The following ITPR2 variants were observed in gnomAD, a reference collection of about 807,000 sequenced individuals.
ITPR2 encodes the protein inositol 1,4,5-trisphosphate-gated calcium channel ITPR2.
ITPR2 carries 207 observed loss-of-function variants against 317.1 expected under a neutral mutation model. That is an observed-to-expected ratio of 0.65 (90% CI 0.58 to 0.73). ITPR2 has a LOEUF of 0.73. Ranked by LOEUF, ITPR2 falls within the 30% of genes least tolerant of loss-of-function variation. The pLI is 0.00. For missense variants in ITPR2, 2,613 were observed against 3,284.0 expected (o/e 0.80, Z 4.99); for synonymous variants, 1,156 against 1,149.1 (o/e 1.01, Z -0.12).
intron 5 of ITPR2, chr12:26,721,205 G>GTTT (rs11407207): frequency 1.4e-4 from 55 of 403,818 alleles, no homozygotes; most frequent in Non-Finnish European, 1.9e-4. Flanking sequence ...AAAAAGTAGG[G>GTTT]TTTTTTTTTT....
intron 25 of ITPR2, among the ~76,000 whole-genome samples, chr12:26,621,530 C>T (rs1346093800): frequency 6.6e-6 from 1 of 151,866 alleles, no homozygotes; most frequent in African/African-American, 2.4e-5. Context: ...TTTTCTGAGA[C>T]TCTGTTTGAA....
chr12:26,368,158 G>A (rs1481665093), intron 55 of ITPR2, among the ~76,000 whole-genome samples: 1 of 152,146 alleles, frequency 6.6e-6, no homozygotes, highest in Middle Eastern at 3.2e-3. Context: ...ATCATTCTCT[G>A]GCTTCCAAGT....
chr12:26,357,135 C>T (rs1938666443), intron 55 of ITPR2, among the ~76,000 whole-genome samples: 1 of 151,338 alleles, frequency 6.6e-6, no homozygotes, highest in Non-Finnish European at 1.5e-5. Context: ...CTTGGTGGGC[C>T]CCTACATAGT....
chr12:26,535,745 A>G (rs915461720), intron 37 of ITPR2, among the ~76,000 whole-genome samples: 1 of 152,208 alleles, frequency 6.6e-6, no homozygotes, highest in Middle Eastern at 3.2e-3. Flanking sequence ...TTCAAATTAG[A>G]CATTATATGG....
chr12:26,599,017 GA>G, intron 30 of ITPR2, 127 bp downstream of exon 30: 1 of 764,310 alleles, frequency 1.3e-6, no homozygotes, highest in Non-Finnish European at 2.2e-6. Context: ...ATTTGCACTT[GA>G]GTAGTCATGA....
intron 1 of ITPR2, among the ~76,000 whole-genome samples, chr12:26,818,330 C>T (rs1320977352): frequency 6.6e-6 from 1 of 152,176 alleles, no homozygotes; most frequent in Non-Finnish European, 1.5e-5. Context: ...TTTACATTTG[C>T]AATGTGATAA....
chr12:26,781,933 G>A (rs562037313), intron 2 of ITPR2, among the ~76,000 whole-genome samples: 1 of 148,832 alleles, frequency 6.7e-6, no homozygotes, highest in East Asian at 2.0e-4. Flanking sequence ...TTGGGACTCA[G>A]ATGGCCTATT....
intron 55 of ITPR2, among the ~76,000 whole-genome samples, chr12:26,354,242 C>T (rs1366717171): frequency 6.8e-6 from 1 of 147,636 alleles, no homozygotes; most frequent in Admixed American, 6.9e-5. Flanking sequence ...CCACTGCACT[C>T]CAGCCTGGGC....
intron 26 of ITPR2, among the ~76,000 whole-genome samples, chr12:26,603,418 G>A (rs1447260973): frequency 1.3e-5 from 2 of 152,036 alleles, no homozygotes; most frequent in Non-Finnish European, 2.9e-5. Context: ...AACTACTGGC[G>A]TCACCTTATG....
chr12:26,656,945 C>A (rs993616008), intron 18 of ITPR2, among the ~76,000 whole-genome samples: 1 of 152,188 alleles, frequency 6.6e-6, no homozygotes, highest in African/African-American at 2.4e-5. Context: ...CCAGGTTTTG[C>A]CCCACTCAGT....
intron 45 of ITPR2, among the ~76,000 whole-genome samples, chr12:26,444,893 C>T (rs1295370930): frequency 6.6e-6 from 1 of 152,118 alleles, no homozygotes; most frequent in Non-Finnish European, 1.5e-5. Context: ...GGTCACTAAT[C>T]AATCACTCAA....
At chr12:26,632,403 T>G in intron 21 of ITPR2, among the ~76,000 whole-genome samples, 1 of 152,168 alleles carries the variant, frequency 6.6e-6, no homozygotes, top group East Asian at 1.9e-4. Context: ...GCTTTTACAA[T>G]AATGCAAAAG....
Position 26,436,365 on chromosome 12 carries a change from A to G in ITPR2, c.6644-19T>C, listed in dbSNP as rs1941348528. The G allele has an allele frequency of 1.3e-6, 2 of 1,598,610 alleles. No homozygotes were observed. The highest frequency in any genetic ancestry group is 1.1e-5 in the South Asian group (1 of 87,464). ...GGGTTATCTAGGAAGTGAGAAATGT[A>G]AAGGAACTGAACAGGAAAATACATT... On this transcript the variant is annotated intron_variant, in intron 47 of 56. Coordinates refer to ENST00000381340, the MANE Select transcript of ITPR2 (RefSeq NM_002223.4).
chr12:26,439,205 G>C lies in ITPR2; in HGVS notation c.6565C>G (p.Gln2189Glu), dbSNP rs777589971. The change falls in exon 47 of 57, where the codon CAA becomes GAA. Residue 2189 changes from glutamine to glutamate, a missense_variant. By Grantham distance (29) the Gln-to-Glu change is conservative. This residue lies in a region of ITPR2 where 926 missense variants were observed against 1,072.8 expected (regional missense o/e 0.86). Transcript: ENST00000381340. ...RVFNTTERDE[Q>E]GSKVNDFFQQ... is the part of the protein sequence containing the mutation. The stretch of plus-strand genomic sequence containing the variant: ...AAAAAGTCATTCACTTTACTTCCTT[G>C]TTCATCCCTTTCAGTTGTATTGAAC... 6.2e-7 allele frequency: 1 copy of C among 1,612,766 alleles called. No homozygotes were observed. The highest frequency in any genetic ancestry group is 8.5e-7 in the Non-Finnish European group (1 of 1,179,304).
intron 55 of ITPR2, among the ~76,000 whole-genome samples, chr12:26,386,293 C>A (rs1939661540): frequency 6.6e-6 from 1 of 152,066 alleles, no homozygotes. Context: ...AGGTTCTGTC[C>A]ATTGTCCAAT....
At chr12:26,562,031 C>A in intron 34 of ITPR2, 79 bp from the exon 35 acceptor site, 1 of 977,800 alleles carries the variant, frequency 1.0e-6, no homozygotes, top group Non-Finnish European at 1.4e-6. Flanking sequence ...ATCTTATAAA[C>A]ATAAAAGAAA....
At position 26,483,775 on chromosome 12, in the gene ITPR2, C is replaced by T; in HGVS notation, c.5935G>A (p.Glu1979Lys). The T allele has an allele frequency of 6.2e-7, 1 of 1,614,060 alleles. No individual in the cohort carries two copies. The highest frequency in any genetic ancestry group is 8.5e-7 in the Non-Finnish European group (1 of 1,179,896). Reference sequence around the variant, plus strand: ...TGGTTGACCAGCGCTACATTCTTCTCATTGATGTAGAGACCCAACAGGCCC... The same window carrying T: ...TGGTTGACCAGCGCTACATTCTTCTTATTGATGTAGAGACCCAACAGGCCC... ...GLGLLGLYIN[E>K]KNVALVNQNL... The change falls in exon 42 of 57, where the codon GAG (glutamate) becomes AAG (lysine). Residue 1979 changes from glutamate to lysine, a missense_variant. Coordinates refer to ENST00000381340, the MANE Select transcript of ITPR2 (RefSeq NM_002223.4).
chr12:26,376,364 T>G (rs1347560812), intron 55 of ITPR2, among the ~76,000 whole-genome samples: 6 of 152,166 alleles, frequency 3.9e-5, no homozygotes, highest in Admixed American at 3.3e-4. Flanking sequence ...CTCTCCCCAG[T>G]GCTCAACCCT....
chr12:26,565,631 A>G (rs1944937518), intron 34 of ITPR2, among the ~76,000 whole-genome samples: 1 of 151,732 alleles, frequency 6.6e-6, no homozygotes, highest in Non-Finnish European at 1.5e-5. Flanking sequence ...CTGAAGCTTA[A>G]AGATACTCAA....
Sources: gnomAD v4.1 joint callset for allele counts (sites outside exome capture counted in the v4.1 genomes callset) on GRCh38, gnomAD v4.1.1 for gene constraint, gnomAD v4.1.1 regional missense constraint, MANE v1.5 for transcripts, NCBI Gene and HGNC (gene_info 2026-07-23, HGNC 2026-07-21) for gene names.